The following GSG1L variants were observed in gnomAD, a reference collection of about 807,000 sequenced individuals.
GSG1L encodes the protein GSG1 like.
A neutral mutation model predicts 42.1 loss-of-function variants in GSG1L; 24 were observed. The ratio of observed to expected loss-of-function variants is 0.57; its 90% CI spans 0.41 to 0.80. The LOEUF (loss-of-function observed/expected upper bound fraction) is 0.80, where lower values mean the gene tolerates loss of function less well. GSG1L is among the 30% of genes least tolerant of loss of function. The pLI is 0.00. For synonymous variants in GSG1L, 215 were observed against 203.5 expected, an observed-to-expected ratio of 1.06 and a Z score of -0.48; for missense variants, 445 against 472.2, an observed-to-expected ratio of 0.94 and a Z score of 0.53.
chr16:27,865,523 CTATATATATATATATATATA>C (rs1172385916), intron 3 of GSG1L, among the ~76,000 whole-genome samples: 13 of 58,268 alleles, frequency 2.2e-4, no homozygotes, highest in Admixed American at 4.9e-4. Flanking sequence ...CTCTCTCTTT[CTATATATATATATATATATA>C]TATATATATA....
chr16:28,016,954 T>C (rs74016605), intron 1 of GSG1L, among the ~76,000 whole-genome samples: 3,510 of 152,316 alleles, frequency 0.023, 145 homozygotes, highest in African/African-American at 0.08. Flanking sequence ...ATCCTAGATC[T>C]TGCCTCCGCC....
At chr16:27,899,576 G>C (rs544506922) in intron 2 of GSG1L, among the ~76,000 whole-genome samples, 1 of 152,288 alleles carries the variant, frequency 6.6e-6, no homozygotes, top group Non-Finnish European at 1.5e-5. Context: ...AATTAGCCAA[G>C]TGTGGTGGCG....
chr16:28,003,563 T>C (rs1459732188), intron 1 of GSG1L, among the ~76,000 whole-genome samples: 1 of 152,212 alleles, frequency 6.6e-6, no homozygotes, highest in African/African-American at 2.4e-5. Context: ...CCAATCAGCA[T>C]GGCCGGGTAA....
intron 6 of GSG1L, among the ~76,000 whole-genome samples, chr16:27,804,468 C>A (rs60674623): frequency 8.6e-5 from 13 of 151,612 alleles, no homozygotes; most frequent in Admixed American, 7.9e-4. Context: ...ATCTTCCTCC[C>A]TTGTTTGTTT....
intron 3 of GSG1L, among the ~76,000 whole-genome samples, chr16:27,867,619 G>C (rs982955539): frequency 1.3e-5 from 2 of 152,210 alleles, no homozygotes; most frequent in African/African-American, 4.8e-5. Flanking sequence ...TTTCCCCTAC[G>C]ACAGGGCTTT....
chr16:27,797,106 G>A (rs557150597), intron 6 of GSG1L, among the ~76,000 whole-genome samples: 86 of 152,162 alleles, frequency 5.7e-4, no homozygotes, highest in Non-Finnish European at 9.4e-4. Flanking sequence ...GGAAACCGAG[G>A]TCCAGATAAA....
chr16:28,023,842 T>C (rs1292047567), intron 1 of GSG1L, among the ~76,000 whole-genome samples: 1 of 151,696 alleles, frequency 6.6e-6, no homozygotes, highest in East Asian at 1.9e-4. Context: ...TTGGGCAACA[T>C]GGCAAGACCC....
At chr16:27,909,957 T>C in intron 2 of GSG1L, among the ~76,000 whole-genome samples, 1 of 129,442 alleles carries the variant, frequency 7.7e-6, no homozygotes, top group African/African-American at 3.6e-5. Context: ...TTTTCTTTCT[T>C]TTTTTTTTTT....
At chr16:27,803,670 C>A (rs2082909947) in intron 6 of GSG1L, among the ~76,000 whole-genome samples, 1 of 151,798 alleles carries the variant, frequency 6.6e-6, no homozygotes, top group African/African-American at 2.4e-5. Context: ...CCAAGAACGA[C>A]TGCAACAGCA....
At chr16:27,993,918 G>A (rs565764534) in intron 1 of GSG1L, among the ~76,000 whole-genome samples, 3 of 152,256 alleles carry the variant, frequency 2.0e-5, no homozygotes, top group Admixed American at 2.0e-4. Context: ...AGGACAGGGC[G>A]AAGCTACCAG....
intron 1 of GSG1L, among the ~76,000 whole-genome samples, chr16:28,046,189 T>C (rs2086155839): frequency 6.6e-6 from 1 of 151,810 alleles, no homozygotes; most frequent in Non-Finnish European, 1.5e-5. Flanking sequence ...CCAAAAAACA[T>C]GGACAGCTGC....
intron 1 of GSG1L, 115 bp downstream of exon 1, chr16:28,062,961 G>C (rs1271146969): frequency 3.9e-5 from 46 of 1,192,258 alleles, no homozygotes; most frequent in Non-Finnish European, 4.7e-5. Context: ...GCGGAGCGCT[G>C]GGAGCTGGGC....
At chr16:28,057,739 A>G (rs2086294874) in intron 1 of GSG1L, among the ~76,000 whole-genome samples, 1 of 152,058 alleles carries the variant, frequency 6.6e-6, no homozygotes, top group Admixed American at 6.6e-5. Context: ...ATCTGGATCA[A>G]CCCCAACGAT....
chr16:27,803,897 A>T (rs1192359778), intron 6 of GSG1L, among the ~76,000 whole-genome samples: 1 of 151,382 alleles, frequency 6.6e-6, no homozygotes, highest in Non-Finnish European at 1.5e-5. Context: ...ATAGATAAAT[A>T]GGTAGATAGA....
At chr16:27,792,953 C>T (rs942949203) in intron 6 of GSG1L, among the ~76,000 whole-genome samples, 1 of 152,200 alleles carries the variant, frequency 6.6e-6, no homozygotes, top group Non-Finnish European at 1.5e-5. Context: ...TATGATAGAG[C>T]TGGATTGAAT....
chr16:27,840,715 T>C (rs1449628308), intron 4 of GSG1L, among the ~76,000 whole-genome samples: 2 of 149,074 alleles, frequency 1.3e-5, no homozygotes, highest in African/African-American at 5.2e-5. Flanking sequence ...GGAGTGACAC[T>C]GTGTGATTTC....
chr16:27,804,067 AT>A (rs2050775352), intron 6 of GSG1L, among the ~76,000 whole-genome samples: 1 of 152,042 alleles, frequency 6.6e-6, no homozygotes, highest in Non-Finnish European at 1.5e-5. Context: ...AGATAGATAG[AT>A]AGATAGATAG....
chr16:27,959,436 C>T (rs1356218375), intron 2 of GSG1L, among the ~76,000 whole-genome samples: 1 of 149,108 alleles, frequency 6.7e-6, no homozygotes, highest in Non-Finnish European at 1.5e-5. Flanking sequence ...CCACTGCACT[C>T]CAGCCTGGGC....
intron 1 of GSG1L, among the ~76,000 whole-genome samples, chr16:28,006,803 G>C (rs2085645356): frequency 6.6e-6 from 1 of 152,094 alleles, no homozygotes; most frequent in Non-Finnish European, 1.5e-5. Context: ...CCTCCGGTGG[G>C]AGACCAGGTG....
Sources: allele counts gnomAD v4.1 joint callset (sites outside exome capture counted in the v4.1 genomes callset), GRCh38; gene constraint gnomAD v4.1.1; transcripts MANE v1.5; gene names NCBI Gene and HGNC (gene_info 2026-07-23, HGNC 2026-07-21).